The following ZNF664 variants were observed in gnomAD, a reference collection of about 807,000 sequenced individuals.
ZNF664 encodes zinc finger Organ of Corti 1.
In ZNF664, 10 loss-of-function variants were observed where a neutral mutation model predicts 18.2. The ratio of observed to expected loss-of-function variants is 0.55; its 90% CI spans 0.34 to 0.93. The LOEUF is 0.93. Among genes scored for constraint, ZNF664 ranks in the 40% least tolerant of loss-of-function variants. The pLI is 0.02. For missense variants in ZNF664, 193 were observed against 319.0 expected, an observed-to-expected ratio of 0.61 and a Z score of 3.01; for synonymous variants, 119 against 104.2, an observed-to-expected ratio of 1.14 and a Z score of -0.86.
At position 124,011,928 on chromosome 12, in the gene ZNF664, G is replaced by A. The variant is rs931645756; in HGVS notation, c.-217G>A. The A allele has an allele frequency of 1.9e-5, 25 of 1,350,942 alleles. No individual in the cohort carries two copies. The highest frequency in any genetic ancestry group is 2.3e-5 in the Non-Finnish European group (24 of 1,058,854). 83.7% of individuals were successfully genotyped at this position (1,350,942 alleles called of 1,614,324 possible). A position where few individuals can be genotyped will look rare whatever the true frequency, so the allele number is the denominator to read the frequency against. On this transcript the variant is annotated 5_prime_UTR_variant, in exon 5 of 5. Transcript: ENST00000337815. Reference sequence around the variant, plus strand: ...TGGAAGTCAATGTCACTTTATAATCGATAATAATACTGAGTGAGGAACACT... The same window carrying A: ...TGGAAGTCAATGTCACTTTATAATCAATAATAATACTGAGTGAGGAACACT...
At chr12:123,982,942 G>A (rs1344161821) in intron 2 of ZNF664, among the ~76,000 whole-genome samples, 1 of 152,158 alleles carries the variant, frequency 6.6e-6, no homozygotes, top group Non-Finnish European at 1.5e-5. Flanking sequence ...ATGGCTTGAG[G>A]CTGGGAGTTT....
chr12:123,999,639 G>A (rs1410856296), intron 3 of ZNF664, among the ~76,000 whole-genome samples: 2 of 152,196 alleles, frequency 1.3e-5, no homozygotes, highest in African/African-American at 4.8e-5. Context: ...GATAAAAAAA[G>A]AAAAGCTCAG....
At chr12:123,980,579 A>T (rs1956752783) in intron 2 of ZNF664, among the ~76,000 whole-genome samples, 1 of 152,214 alleles carries the variant, frequency 6.6e-6, no homozygotes. Flanking sequence ...TCATATATTT[A>T]GTGGCAAATA....
At chr12:123,973,388 C>G in intron 1 of ZNF664, 36 bp downstream of exon 1, 1 of 969,234 alleles carries the variant, frequency 1.0e-6, no homozygotes, top group Non-Finnish European at 1.2e-6. Context: ...GTCTTTCTTT[C>G]TTTCCCGGAG....
intron 3 of ZNF664, among the ~76,000 whole-genome samples, chr12:124,001,108 C>T (rs1711779371): frequency 1.3e-5 from 2 of 152,124 alleles, no homozygotes; most frequent in African/African-American, 4.8e-5. Context: ...AAATAAAAGA[C>T]CTGGGGGTCA....
At chr12:123,983,556 T>C (rs890233650) in intron 2 of ZNF664, among the ~76,000 whole-genome samples, 10 of 152,338 alleles carry the variant, frequency 6.6e-5, no homozygotes, top group Admixed American at 4.6e-4. Flanking sequence ...AGGAAGCCTT[T>C]ATAGCCAGAG....
At chr12:123,976,552 A>G (rs904771091) in intron 2 of ZNF664, among the ~76,000 whole-genome samples, 8 of 152,146 alleles carry the variant, frequency 5.3e-5, no homozygotes, top group Admixed American at 2.0e-4. Flanking sequence ...GAAATGGGAA[A>G]CCATGATATG....
At chr12:123,988,327 A>T (rs926815014) in intron 3 of ZNF664, among the ~76,000 whole-genome samples, 189 bp downstream of exon 3, 3 of 152,104 alleles carry the variant, frequency 2.0e-5, no homozygotes, top group Non-Finnish European at 2.9e-5. Flanking sequence ...ATCTTGGACC[A>T]CCTTCCTTAC....
Position 123,984,469 on chromosome 12 carries a change from G to T in ZNF664, c.-756-3574G>T, listed in dbSNP as rs557579191. 2.6e-5 allele frequency among the ~76,000 whole-genome samples: 4 copies of T among 152,240 alleles called. No homozygotes were observed. In the East Asian group the frequency reaches 7.7e-4, roughly 29 times the overall value. On this transcript the variant is annotated intron_variant, in intron 2 of 4. Coordinates refer to ENST00000337815, the MANE Select transcript of ZNF664 (RefSeq NM_152437.3). ...AGAGGTCTGGATGGGGAAATGGAGGGTGGGGCCAGGGAGACAGGGTAGCTA... is the reference window on the plus strand; with the variant it reads ...AGAGGTCTGGATGGGGAAATGGAGGTTGGGGCCAGGGAGACAGGGTAGCTA...
chr12:123,991,751 G>A (rs1227162632), intron 3 of ZNF664, among the ~76,000 whole-genome samples: 1 of 152,174 alleles, frequency 6.6e-6, no homozygotes, highest in Non-Finnish European at 1.5e-5. Context: ...TTTTGTGAGA[G>A]GACTTGGCTG....
chr12:123,983,893 CAGTT>C (rs1247271056), intron 2 of ZNF664, among the ~76,000 whole-genome samples: 1 of 152,192 alleles, frequency 6.6e-6, no homozygotes. Context: ...TCCAGACTCA[CAGTT>C]AGAATCAGAG....
intron 3 of ZNF664, among the ~76,000 whole-genome samples, chr12:124,002,162 G>A (rs1199562199): frequency 6.6e-6 from 1 of 152,228 alleles, no homozygotes; most frequent in Non-Finnish European, 1.5e-5. Context: ...AGGCCTGGGT[G>A]TTGAGCAGAT....
At position 124,012,790 on chromosome 12, in the gene ZNF664, A is replaced by C; in HGVS notation, c.646A>C (p.Ile216Leu). ...KAFSQSSSLC[I>L]HQRVHTGEKP... ...CTTCAGTCAGAGTTCGAGCCTGTGC[A>C]TCCACCAGAGAGTCCACACAGGAGA... The change falls in exon 5 of 5, where the codon ATC (isoleucine) becomes CTC (leucine). Residue 216 changes from isoleucine (I) to leucine (L), a missense_variant. Transcript: ENST00000337815. 6.2e-7 allele frequency: 1 copy of C among 1,613,792 alleles called. No individual in the cohort carries two copies. Among genetic ancestry groups the C allele is most frequent in the Non-Finnish European group, 8.5e-7 (1 of 1,179,780 alleles).
At chr12:123,974,295 C>G in intron 2 of ZNF664, 1 of 356,704 alleles carries the variant, frequency 2.8e-6, no homozygotes, top group East Asian at 4.1e-5. Context: ...GTTCTGGTTG[C>G]TAGATTGCTT....
At chr12:124,001,862 A>G (rs1426827551) in intron 3 of ZNF664, among the ~76,000 whole-genome samples, 1 of 152,232 alleles carries the variant, frequency 6.6e-6, no homozygotes, top group Non-Finnish European at 1.5e-5. Flanking sequence ...TGCTTGAATG[A>G]CTTTGGAAGA....
At position 124,013,082 on chromosome 12, in the gene ZNF664, C is replaced by A; in HGVS notation, c.*152C>A. 1.8e-6 allele frequency: 2 copies of A among 1,088,108 alleles called. No homozygotes were observed. Among genetic ancestry groups the A allele is most frequent in the Non-Finnish European group, 2.6e-6 (2 of 771,724 alleles). The allele number at this position is 1,088,108 out of a possible 1,614,324, so 67.4% of individuals were successfully genotyped here. ...CATATGTGAGATTGATTTGTTGGTT[C>A]ATGCCAAGTGTGTTCCACAGGTTGA... On this transcript the variant is annotated 3_prime_UTR_variant, in exon 5 of 5. Transcript: ENST00000337815.
At chr12:124,003,579 G>A (rs904843337) in intron 3 of ZNF664, 4 of 152,198 alleles carry the variant, frequency 2.6e-5, no homozygotes, top group African/African-American at 9.7e-5. Flanking sequence ...TGTATTTTTA[G>A]TAGAGACGGG....
chr12:123,989,913 G>T (rs1278617982), intron 3 of ZNF664, among the ~76,000 whole-genome samples: 1 of 133,516 alleles, frequency 7.5e-6, no homozygotes, highest in Non-Finnish European at 1.7e-5. Flanking sequence ...CATCATCTCT[G>T]TTGATTTTTG....
chr12:124,007,494 C>T (rs1253824828), intron 3 of ZNF664, among the ~76,000 whole-genome samples: 1 of 150,554 alleles, frequency 6.6e-6, no homozygotes, highest in Non-Finnish European at 1.5e-5. Context: ...CAGCCACTGC[C>T]TTCGCCTGCA....
Sources: gnomAD v4.1 joint callset for allele counts (sites outside exome capture counted in the v4.1 genomes callset) on GRCh38, gnomAD v4.1.1 for gene constraint, MANE v1.5 for transcripts, NCBI Gene and HGNC (gene_info 2026-07-23, HGNC 2026-07-21) for gene names.